SLC16A6: variants seen among roughly 807,000 people sequenced by gnomAD.
SLC16A6 encodes the protein monocarboxylate transporter 7.
In SLC16A6, 15 loss-of-function variants were observed where a neutral mutation model predicts 33.8. The observed-to-expected ratio is 0.44, with a 90% CI of 0.30 to 0.68. SLC16A6 has a LOEUF of 0.68. Among genes scored for constraint, SLC16A6 ranks in the 30% least tolerant of loss-of-function variants. SLC16A6 has a pLI of 0.10. For missense variants in SLC16A6, 451 were observed against 661.5 expected, an observed-to-expected ratio of 0.68 and a Z score of 3.49; for synonymous variants, 219 against 248.4, an observed-to-expected ratio of 0.88 and a Z score of 1.11.
rs1555748500 is a variant in SLC16A6, at chr17:68,271,179, G to T, written c.981C>A (p.Asp327Glu). Residue 327 changes from aspartate (D) to glutamate (E), a missense_variant, in exon 5 of 6, where the codon GAC (aspartate) becomes GAA (glutamate). By Grantham distance (45) the Asp-to-Glu change is conservative. Transcript: ENST00000580666. This position sits in a 1 kb window ranked among gnomAD's most constrained non-coding sequence, Gnocchi z 5.3. ...TCGTAGATAATAAAAAAGCAGCGCGGTCCTGGTCAATGCCCAGACTAATGC... is the reference window on the plus strand; with the variant it reads ...TCGTAGATAATAAAAAAGCAGCGCGTTCCTGGTCAATGCCCAGACTAATGC... ...PLGISLGIDQ[D>E]RAAFLLSTMA... 6 of 1,614,058 alleles carry T rather than the reference G, an allele frequency of 3.7e-6. No individual in the cohort carries two copies. The Admixed American group carries it at 6.7e-5, about 18-fold the overall frequency.
intron 1 of SLC16A6, among the ~76,000 whole-genome samples, chr17:68,288,295 C>T (rs138314297): frequency 1.2e-3 from 176 of 152,294 alleles, no homozygotes; most frequent in African/African-American, 3.8e-3. Context: ...CCACTGTGCC[C>T]GGCCTTCTCC....
intron 1 of SLC16A6, 84 bp downstream of exon 1, chr17:68,291,002 A>T (rs1355522231): frequency 1.3e-5 from 2 of 152,194 alleles, no homozygotes; most frequent in Non-Finnish European, 2.9e-5. Flanking sequence ...CATCACAAAA[A>T]AAGGCCCCAA....
At chr17:68,289,824 G>GT (rs1355619625) in intron 1 of SLC16A6, among the ~76,000 whole-genome samples, 1 of 152,158 alleles carries the variant, frequency 6.6e-6, no homozygotes, top group African/African-American at 2.4e-5. Flanking sequence ...AAAACTCAGG[G>GT]TTAGTGGTAC....
intron 1 of SLC16A6, among the ~76,000 whole-genome samples, chr17:68,282,065 G>A (rs551198333): frequency 1.2e-4 from 18 of 151,986 alleles, no homozygotes; most frequent in Non-Finnish European, 2.4e-4. Flanking sequence ...TGTTTATTGC[G>A]GCACTATTCA....
At chr17:68,285,501 C>G (rs2075820801) in intron 1 of SLC16A6, 1 of 152,296 alleles carries the variant, frequency 6.6e-6, no homozygotes, top group African/African-American at 2.4e-5. Context: ...GAAACCCCGT[C>G]TCTACTAAAA....
intron 4 of SLC16A6, 50 bp downstream of exon 4, chr17:68,272,589 A>G: frequency 1.3e-6 from 2 of 1,596,540 alleles, no homozygotes; most frequent in South Asian, 2.2e-5. Flanking sequence ...AGAATACCTG[A>G]GTGACGTCTC....
Position 68,268,290 on chromosome 17 carries a change from G to A in SLC16A6, c.*806C>T, listed in dbSNP as rs2075217181. ...AGCGGTTTAAATTAAAGACACTACA[G>A]TCACATATTTCTGTATAACTAAAAG... On this transcript the variant is annotated 3_prime_UTR_variant, in exon 6 of 6. Coordinates refer to ENST00000580666, the MANE Select transcript of SLC16A6 (RefSeq NM_004694.5). 6.6e-6 allele frequency: 1 copy of A among 152,418 alleles called. No homozygotes were observed. Among genetic ancestry groups the A allele is most frequent in the African/African-American group, 2.4e-5 (1 of 41,368 alleles). 9.4% of individuals were successfully genotyped at this position (152,418 alleles called of 1,614,324 possible). A position where few individuals can be genotyped will look rare whatever the true frequency, so the allele number is the denominator to read the frequency against.
intron 1 of SLC16A6, among the ~76,000 whole-genome samples, chr17:68,279,331 C>T (rs564754173): frequency 1.3e-5 from 2 of 152,050 alleles, no homozygotes; most frequent in East Asian, 1.9e-4. Context: ...TCTTCTTCCC[C>T]GCCATTTTCT....
In SLC16A6 at chr17:68,269,072, T is replaced by G; in HGVS notation, c.*24A>C. The G allele has an allele frequency of 6.4e-7, 1 of 1,571,576 alleles. No individual in the cohort carries two copies. Among genetic ancestry groups the G allele is most frequent in the Non-Finnish European group, 8.6e-7 (1 of 1,160,218 alleles). ...CCCCATCCCTCTCCAGCCAACACAG[T>G]GGCTGTTGTTGTAAGAAAGTGTGTC... On this transcript the variant is annotated 3_prime_UTR_variant, in exon 6 of 6. Transcript: ENST00000580666.
At chr17:68,273,036 C>G (rs782247708) in intron 3 of SLC16A6, among the ~76,000 whole-genome samples, 9 of 149,720 alleles carry the variant, frequency 6.0e-5, no homozygotes, top group Non-Finnish European at 1.2e-4. Flanking sequence ...ATATAATTCA[C>G]AATGGATGAA....
intron 1 of SLC16A6, among the ~76,000 whole-genome samples, chr17:68,286,825 A>G (rs868951644): frequency 7.9e-5 from 12 of 152,244 alleles, no homozygotes; most frequent in Middle Eastern, 6.8e-3. Context: ...ACTGAATTCT[A>G]TTAATCAACT....
At chr17:68,277,432 A>G (rs1211982585) in intron 2 of SLC16A6, among the ~76,000 whole-genome samples, 2 of 148,338 alleles carry the variant, frequency 1.3e-5, no homozygotes, top group African/African-American at 5.0e-5. Context: ...GCCCGGCCGC[A>G]ACTTTTTTCT....
intron 1 of SLC16A6, among the ~76,000 whole-genome samples, chr17:68,285,346 G>T (rs111527797): frequency 0.015 from 2,249 of 152,304 alleles, 31 homozygotes; most frequent in Middle Eastern, 0.031. Context: ...GGAGTGCAGT[G>T]GCACGATCAT....
chr17:68,274,147 G>GT, intron 2 of SLC16A6, 77 bp from the exon 3 acceptor site: 3 of 1,476,930 alleles, frequency 2.0e-6, no homozygotes, highest in Non-Finnish European at 1.9e-6. Context: ...CTTCCTCCAC[G>GT]TCTTGCACAT....
At chr17:68,280,061 A>G (rs1188434756) in intron 1 of SLC16A6, among the ~76,000 whole-genome samples, 1 of 151,940 alleles carries the variant, frequency 6.6e-6, no homozygotes, top group African/African-American at 2.4e-5. Flanking sequence ...AGGCACCTGT[A>G]ATCCCAGCTA....
intron 1 of SLC16A6, among the ~76,000 whole-genome samples, chr17:68,289,896 C>T (rs1306659672): frequency 1.3e-5 from 2 of 152,102 alleles, no homozygotes; most frequent in South Asian, 2.1e-4. Context: ...CTGTAAGTTC[C>T]TATTTTGGAC....
chr17:68,277,235 G>A (rs1012965921), intron 2 of SLC16A6, among the ~76,000 whole-genome samples: 4 of 150,698 alleles, frequency 2.7e-5, no homozygotes, highest in South Asian at 4.2e-4. Flanking sequence ...AGGTTCACAC[G>A]ATTCTCCTAC....
intron 1 of SLC16A6, among the ~76,000 whole-genome samples, chr17:68,284,469 T>C (rs560744284): frequency 4.6e-5 from 7 of 152,266 alleles, no homozygotes; most frequent in Admixed American, 4.6e-4. Context: ...ACAGGTGAAT[T>C]TTCAGGGTCA....
Position 68,278,207 on chromosome 17 carries a change from G to A in SLC16A6, c.114C>T (p.Thr38=), listed in dbSNP as rs782176622. The change falls in exon 2 of 6, where the codon ACC becomes ACT. Residue 38 remains threonine (T), a synonymous_variant. Transcript: ENST00000580666. ...CACCAAATGTCTTGATGATGCCGTAGGTGAAGACTTCAACGAAGAAAAATG... is the reference window on the plus strand; with the variant it reads ...CACCAAATGTCTTGATGATGCCGTAAGTGAAGACTTCAACGAAGAAAAATG... ...AVSFFFVEVF[T]YGIIKTFGVF... 1.2e-6 allele frequency: 2 copies of A among 1,614,134 alleles called. No homozygotes were observed. The highest frequency in any genetic ancestry group is 1.7e-5 in the Admixed American group (1 of 60,016).
Sources: gnomAD v4.1 joint callset for allele counts (sites outside exome capture counted in the v4.1 genomes callset) on GRCh38, gnomAD v4.1.1 for gene constraint, Gnocchi (gnomAD v3.1) non-coding constraint, MANE v1.5 for transcripts, NCBI Gene and HGNC (gene_info 2026-07-23, HGNC 2026-07-21) for gene names.